Variants in MRE11 observed in about 807,000 individuals in gnomAD.
MRE11 encodes the protein MRE11 double strand break repair nuclease.
In MRE11, 62 loss-of-function variants were observed where a neutral mutation model predicts 91.7. The observed-to-expected ratio is 0.68, with a 90% CI of 0.55 to 0.84. The LOEUF (loss-of-function observed/expected upper bound fraction) is 0.84. Among genes scored for constraint, MRE11 ranks in the 40% least tolerant of loss-of-function variants. The probability of loss-of-function intolerance (pLI) is 0.00; values close to 1 mark genes in which losing one functional copy is unlikely to be tolerated. For synonymous variants in MRE11, 273 were observed against 271.4 expected, an observed-to-expected ratio of 1.01 and a Z score of -0.06; for missense variants, 796 against 852.9, an observed-to-expected ratio of 0.93 and a Z score of 0.83.
chr11:94,500,675 T>TTA, the MRE11 span, among the ~76,000 whole-genome samples: 2 of 152,230 alleles, frequency 1.3e-5, no homozygotes, highest in African/African-American at 4.8e-5. Flanking sequence ...GCGTCATTCT[T>TTA]AGGCCTAAAG....
Position 94,468,206 on chromosome 11 carries a change from A to G in MRE11, c.1018-313T>C, listed in dbSNP as rs377530522. ...TACCAACTTAAAACCAAGTAAGTCTAGTTTTTGCAGTCATATGATCCATGG... is the reference window on the plus strand; with the variant it reads ...TACCAACTTAAAACCAAGTAAGTCTGGTTTTTGCAGTCATATGATCCATGG... On this transcript the variant is annotated intron_variant, in intron 9 of 19. Transcript: ENST00000323929. Among the ~76,000 whole-genome samples the G allele has an allele frequency of 5.9e-5, 9 of 152,310 alleles. No individual in the cohort carries two copies. In the East Asian group the frequency reaches 1.5e-3, roughly 26 times the overall value.
At chr11:94,455,743 TTAAG>T (rs2134966720) in intron 14 of MRE11, among the ~76,000 whole-genome samples, 1 of 152,246 alleles carries the variant, frequency 6.6e-6, no homozygotes, top group Non-Finnish European at 1.5e-5. Flanking sequence ...CCAAAACACT[TTAAG>T]TTTCTTTTTT....
At chr11:94,433,348 A>C (rs1945515862) in intron 18 of MRE11, among the ~76,000 whole-genome samples, 1 of 152,066 alleles carries the variant, frequency 6.6e-6, no homozygotes, top group Non-Finnish European at 1.5e-5. Flanking sequence ...AACATCCAAT[A>C]CCTTTGTAGT....
At chr11:94,458,130 A>G (rs1946311169) in intron 13 of MRE11, among the ~76,000 whole-genome samples, 1 of 152,010 alleles carries the variant, frequency 6.6e-6, no homozygotes, top group African/African-American at 2.4e-5. Flanking sequence ...CATTGACACC[A>G]TAAGGCTTTA....
intron 2 of MRE11, among the ~76,000 whole-genome samples, chr11:94,491,751 C>G (rs1254552906): frequency 6.6e-6 from 1 of 152,136 alleles, no homozygotes; most frequent in African/African-American, 2.4e-5. Context: ...CAATAAACCA[C>G]AATGAATTTT....
chr11:94,509,672 C>G, the MRE11 span, among the ~76,000 whole-genome samples: 4 of 152,158 alleles, frequency 2.6e-5, no homozygotes. Context: ...GATCCCTTGA[C>G]CTCATGATCC....
intron 16 of MRE11, among the ~76,000 whole-genome samples, chr11:94,444,491 A>G (rs1374795688): frequency 6.6e-6 from 1 of 152,196 alleles, no homozygotes; most frequent in Non-Finnish European, 1.5e-5. Context: ...AAGGATGAGA[A>G]AAGGGCTTTA....
chr11:94,504,129 T>C, the MRE11 span, among the ~76,000 whole-genome samples: 2 of 152,180 alleles, frequency 1.3e-5, no homozygotes, highest in African/African-American at 4.8e-5. Context: ...AGGGAGAACC[T>C]TTTGGAGGTG....
intron 18 of MRE11, among the ~76,000 whole-genome samples, chr11:94,434,473 A>C (rs1945547651): frequency 6.6e-6 from 1 of 152,164 alleles, no homozygotes; most frequent in South Asian, 2.1e-4. Flanking sequence ...TAAGTTACTT[A>C]ATTCTTCTCC....
chr11:94,422,627 T>A (rs997098120), intron 19 of MRE11, among the ~76,000 whole-genome samples: 8 of 152,206 alleles, frequency 5.3e-5, no homozygotes, highest in Admixed American at 1.3e-4. Flanking sequence ...GACTTTTATA[T>A]CTGAGGTATT....
At chr11:94,421,378 ATTCATT>A (rs926580432) in intron 19 of MRE11, among the ~76,000 whole-genome samples, 1 of 152,238 alleles carries the variant, frequency 6.6e-6, no homozygotes, top group Non-Finnish European at 1.5e-5. Context: ...AGAAATATAA[ATTCATT>A]TTCATTTATT....
At chr11:94,495,843 C>T (rs1947411673), upstream of MRE11, among the ~76,000 whole-genome samples, 1 of 152,100 alleles carries the variant, frequency 6.6e-6, no homozygotes, top group South Asian at 2.1e-4. Flanking sequence ...TTGCCAGTCA[C>T]CTACACTAGA....
At chr11:94,504,287 A>G in the MRE11 span, among the ~76,000 whole-genome samples, 1 of 152,192 alleles carries the variant, frequency 6.6e-6, no homozygotes, top group African/African-American at 2.4e-5. Context: ...ATATCCAGAT[A>G]TGACTAATTT....
chr11:94,493,704 A>C (rs1947356863), intron 1 of MRE11, 87 bp downstream of exon 1: 4 of 152,280 alleles, frequency 2.6e-5, no homozygotes, highest in Admixed American at 2.6e-4. Context: ...GACTCTTCGA[A>C]GCCCCACAAT....
chr11:94,487,615 A>G (rs1947174821), intron 3 of MRE11, among the ~76,000 whole-genome samples: 1 of 152,232 alleles, frequency 6.6e-6, no homozygotes, highest in African/African-American at 2.4e-5. Context: ...GTGCTGTAAC[A>G]GACATTACAG....
rs546553874 is a variant in MRE11, at chr11:94,465,429, A to ACT, written c.1099-1192_1099-1191dup. Among the ~76,000 whole-genome samples, 756 of 125,860 alleles carry ACT rather than the reference A, an allele frequency of 6.0e-3. 5 individuals are homozygous for ACT. The highest frequency in any genetic ancestry group is 0.021 in the African/African-American group (683 of 32,074). 82.6% of individuals were successfully genotyped at this position (125,860 alleles called of 152,430 possible). ...TTTTTTTTTTTTGAGATGGCGTCTC[A>ACT]CTGTCACCCAGGCTGGAATGCAGAG... On this transcript the variant is annotated intron_variant, in intron 10 of 19. Transcript: ENST00000323929.
At position 94,419,703 on chromosome 11, in the gene MRE11, TAACA is replaced by T. The variant is rs565557532; in HGVS notation, c.*418_*421del. The T allele has an allele frequency of 1.2e-4, 28 of 240,150 alleles. No homozygotes were observed. In the South Asian group the frequency reaches 1.3e-3, roughly 11 times the overall value. The allele number at this position is 240,150 out of a possible 1,614,324, so 14.9% of individuals were successfully genotyped here. ...AAGCATTGGAAAAAAACATACATAG[TAACA>T]AACAGTGAATTTAGACATAGGTTCG... On this transcript the variant is annotated 3_prime_UTR_variant, in exon 20 of 20. Coordinates refer to ENST00000323929, the MANE Select transcript of MRE11 (RefSeq NM_005591.4).
At chr11:94,427,771 G>C (rs1034294603) in intron 19 of MRE11, among the ~76,000 whole-genome samples, 2 of 151,606 alleles carry the variant, frequency 1.3e-5, no homozygotes. Flanking sequence ...GTCAAATCAA[G>C]AACAACACAA....
At chr11:94,433,772 T>C (rs887893379) in intron 18 of MRE11, among the ~76,000 whole-genome samples, 1 of 152,214 alleles carries the variant, frequency 6.6e-6, no homozygotes, top group African/African-American at 2.4e-5. Context: ...CTTTGTTTTG[T>C]AATTGCCCAG....
Sources: gnomAD v4.1 joint callset for allele counts (sites outside exome capture counted in the v4.1 genomes callset) on GRCh38, gnomAD v4.1.1 for gene constraint, MANE v1.5 for transcripts, NCBI Gene and HGNC (gene_info 2026-07-23, HGNC 2026-07-21) for gene names.